The following NLRP12 variants were observed in gnomAD, a reference collection of about 807,000 sequenced individuals.
NLRP12 encodes NACHT, LRR and PYD domains-containing protein 12.
NLRP12 carries 108 observed loss-of-function variants against 91.2 expected under a neutral mutation model. The ratio of observed to expected loss-of-function variants is 1.18; its 90% CI spans 1.01 to 1.39. The LOEUF (loss-of-function observed/expected upper bound fraction) is 1.39, where lower values mean the gene tolerates loss of function less well. NLRP12 is among the 40% of genes most tolerant of loss of function. NLRP12 has a pLI of 0.00. For synonymous variants in NLRP12, 613 were observed against 566.7 expected, an observed-to-expected ratio of 1.08 and a Z score of -1.16; for missense variants, 1,530 against 1,352.7, an observed-to-expected ratio of 1.13 and a Z score of -2.06.
In NLRP12 at chr19:53,810,733, G is replaced by T. The variant is rs1410857959; in HGVS notation, c.926C>A (p.Pro309His). The T allele has an allele frequency of 1.2e-6, 2 of 1,614,026 alleles. No homozygotes were observed. Among genetic ancestry groups the T allele is most frequent in the South Asian group, 1.1e-5 (1 of 91,078 alleles). Residue 309 changes from proline (P) to histidine (H), a missense_variant, in exon 3 of 10, where the codon CCC (proline) becomes CAC (histidine). Transcript: ENST00000324134. ...LKPSFHDPQG[P>H]WCLCWEEKRP... ...TTTCTCCTCCCAGCAGAGGCACCAG[G>T]GTCCCTGAGGATCGTGGAAAGAAGG...
intron 1 of NLRP12, among the ~76,000 whole-genome samples, chr19:53,816,609 C>T (rs968043199): frequency 1.3e-5 from 2 of 152,132 alleles, no homozygotes; most frequent in Admixed American, 1.3e-4. Flanking sequence ...ACAATCTTCA[C>T]CTCCCAGGTT....
chr19:53,820,971 GT>G (rs2092256562), intron 1 of NLRP12, among the ~76,000 whole-genome samples: 1 of 149,274 alleles, frequency 6.7e-6, no homozygotes. Context: ...TCTGAATTGT[GT>G]TAAGCACTTT....
Position 53,801,302 on chromosome 19 carries a change from T to C in NLRP12, c.2681A>G (p.Asn894Ser). Residue 894 changes from asparagine to serine, a missense_variant, in exon 7 of 10, where the codon AAT becomes AGT. Asn to Ser is a conservative substitution (Grantham distance 46). Coordinates refer to ENST00000324134, the MANE Select transcript of NLRP12 (RefSeq NM_144687.4). ...QSLRELDLSL[N>S]ELGDLGVLLL... Reference sequence around the variant, plus strand: ...CAGCACCCCGAGGTCCCCCAGCTCATTCAGGCTCAGGTCCAGCTCTCTCAG... The same window carrying C: ...CAGCACCCCGAGGTCCCCCAGCTCACTCAGGCTCAGGTCCAGCTCTCTCAG... The C allele has an allele frequency of 1.2e-6, 2 of 1,613,980 alleles. No individual in the cohort carries two copies. The highest frequency in any genetic ancestry group is 1.7e-6 in the Non-Finnish European group (2 of 1,179,982).
At position 53,809,616 on chromosome 19, in the gene NLRP12, G is replaced by T; in HGVS notation, c.2043C>A (p.Ser681=). The change falls in exon 3 of 10, where the codon TCC becomes TCA. Residue 681 remains serine (S), a synonymous_variant. Coordinates refer to ENST00000324134, the MANE Select transcript of NLRP12 (RefSeq NM_144687.4). The part of the protein sequence containing the change: ...SADGEDRARC[S]AGAHTLLVQL... ...GCACCAACAGCGTGTGCGCTCCTGC[G>T]GAGCACCTCGCGCGGTCTTCCCCGT... 6.2e-7 allele frequency: 1 copy of T among 1,612,750 alleles called. No individual in the cohort carries two copies. Among genetic ancestry groups the T allele is most frequent in the Non-Finnish European group, 8.5e-7 (1 of 1,179,912 alleles).
intron 6 of NLRP12, among the ~76,000 whole-genome samples, chr19:53,801,849 T>C (rs1342863992): frequency 6.6e-6 from 1 of 151,916 alleles, no homozygotes; most frequent in Non-Finnish European, 1.5e-5. Context: ...TCCCAGCACT[T>C]TGGGAGGCCG....
chr19:53,823,498 ATT>A (rs1459167485), intron 1 of NLRP12, among the ~76,000 whole-genome samples: 1 of 56,798 alleles, frequency 1.8e-5, no homozygotes, highest in East Asian at 3.3e-4. Flanking sequence ...AAATATATTT[ATT>A]TAAAATATAT....
intron 8 of NLRP12, among the ~76,000 whole-genome samples, chr19:53,797,736 T>A (rs1167517309): frequency 6.9e-6 from 1 of 145,040 alleles, no homozygotes; most frequent in African/African-American, 2.5e-5. Flanking sequence ...AATTTTTAAA[T>A]TTTAATTTTT....
chr19:53,794,233 T>C, intron 9 of NLRP12, 97 bp from the exon 10 acceptor site: 1 of 846,400 alleles, frequency 1.2e-6, no homozygotes, highest in Admixed American at 1.9e-5. Context: ...GTAAGATAAT[T>C]CCATGATCCT....
chr19:53,796,300 G>A (rs2091758601), intron 8 of NLRP12, among the ~76,000 whole-genome samples: 1 of 152,032 alleles, frequency 6.6e-6, no homozygotes, highest in South Asian at 2.1e-4. Flanking sequence ...TGCCCATGCT[G>A]GAGTGCTGTG....
chr19:53,795,393 G>A (rs1368760805), intron 9 of NLRP12, among the ~76,000 whole-genome samples: 2 of 124,924 alleles, frequency 1.6e-5, no homozygotes, highest in African/African-American at 6.2e-5. Context: ...TTTTTTTTTT[G>A]AGATGGAGTC....
rs1454001307 is a variant in NLRP12, at chr19:53,805,325, A to G, written c.2369T>C (p.Leu790Pro). The G allele has an allele frequency of 1.9e-6, 3 of 1,613,952 alleles. No homozygotes were observed. In the African/African-American group the frequency reaches 4.0e-5, roughly 22 times the overall value. ...NGVGFPGMMLLCEGLRHPQCR... is the reference protein window; with the variant it reads ...NGVGFPGMMLPCEGLRHPQCR... ...CTGGGGATGCCGCAGGCCCTCGCAA[A>G]GCAGCATCATGCCTGGGAATCCAAC... The change falls in exon 5 of 10, where the codon CTT (leucine) becomes CCT (proline). Residue 790 changes from leucine to proline, a missense_variant. By Grantham distance (98) the Leu-to-Pro change is moderately conservative. Coordinates refer to ENST00000324134, the MANE Select transcript of NLRP12 (RefSeq NM_144687.4).
intron 1 of NLRP12, among the ~76,000 whole-genome samples, chr19:53,823,303 A>G (rs1029570575): frequency 4.3e-5 from 6 of 138,522 alleles, no homozygotes; most frequent in African/African-American, 1.1e-4. Flanking sequence ...TATATAATAT[A>G]GTATATTTAT....
intron 8 of NLRP12, 76 bp from the exon 9 acceptor site, chr19:53,796,105 C>T: frequency 2.1e-6 from 3 of 1,413,948 alleles, no homozygotes; most frequent in Non-Finnish European, 3.0e-6. Flanking sequence ...CTCACCCTGT[C>T]TCCCAGGCTG....
At chr19:53,799,291 T>C (rs1313645328) in intron 7 of NLRP12, among the ~76,000 whole-genome samples, 1 of 152,008 alleles carries the variant, frequency 6.6e-6, no homozygotes, top group African/African-American at 2.4e-5. Context: ...TTTACAGGCA[T>C]GAGCCACCGC....
intron 1 of NLRP12, among the ~76,000 whole-genome samples, chr19:53,820,339 G>C (rs533332709): frequency 7.8e-4 from 118 of 152,248 alleles, no homozygotes; most frequent in African/African-American, 2.3e-3. Context: ...AGACCAGCCT[G>C]ACCAACACGG....
At chr19:53,818,762 C>T (rs1245420094) in intron 1 of NLRP12, among the ~76,000 whole-genome samples, 3 of 152,124 alleles carry the variant, frequency 2.0e-5, no homozygotes, top group Non-Finnish European at 4.4e-5. Context: ...CTAGGCATGC[C>T]GCGAGAACCA....
At position 53,808,362 on chromosome 19, in the gene NLRP12, G is replaced by A. The variant is rs147929356; in HGVS notation, c.2073-697C>T. Reference sequence around the variant, plus strand: ...TCTGTCTCCGTTCTCATTAGGATGCGTGCTCTCTTGGGACCATTGGCTTAT... The same window carrying A: ...TCTGTCTCCGTTCTCATTAGGATGCATGCTCTCTTGGGACCATTGGCTTAT... On this transcript the variant is annotated intron_variant, in intron 3 of 9. Transcript: ENST00000324134. The A allele has an allele frequency of 7.4e-3, 1,213 of 164,058 alleles. 16 individuals carry two copies. Among genetic ancestry groups the A allele is most frequent in the African/African-American group, 0.028 (1,168 of 41,650 alleles). The allele number at this position is 164,058 out of a possible 1,614,324, so 10.2% of individuals were successfully genotyped here.
intron 7 of NLRP12, among the ~76,000 whole-genome samples, chr19:53,799,628 G>A (rs1353724178): frequency 1.3e-5 from 2 of 151,806 alleles, no homozygotes; most frequent in East Asian, 2.0e-4. Context: ...GATATCAGGC[G>A]TCCGCCACCA....
At chr19:53,803,565 G>A (rs1182626315) in intron 6 of NLRP12, among the ~76,000 whole-genome samples, 3 of 151,906 alleles carry the variant, frequency 2.0e-5, no homozygotes, top group African/African-American at 4.8e-5. Flanking sequence ...TCTAGGCCTT[G>A]GCAGCCACTA....
Sources: allele counts gnomAD v4.1 joint callset (sites outside exome capture counted in the v4.1 genomes callset), GRCh38; gene constraint gnomAD v4.1.1; transcripts MANE v1.5; gene names NCBI Gene and HGNC (gene_info 2026-07-23, HGNC 2026-07-21).